The following SLC25A30 variants were observed in gnomAD, a reference collection of about 807,000 sequenced individuals.
SLC25A30 encodes the protein solute carrier family 25 member 30, also known as kidney mitochondrial carrier protein 1.
A neutral mutation model predicts 42.7 loss-of-function variants in SLC25A30; 29 were observed. That is an observed-to-expected ratio of 0.68 (90% CI 0.51 to 0.93). The LOEUF (loss-of-function observed/expected upper bound fraction) is 0.93, where lower values mean the gene tolerates loss of function less well. Among genes scored for constraint, SLC25A30 ranks in the 40% least tolerant of loss-of-function variants. The pLI, the probability that SLC25A30 is intolerant of heterozygous loss-of-function variation, is 0.00. For synonymous variants in SLC25A30, 124 were observed against 131.0 expected, an observed-to-expected ratio of 0.95 and a Z score of 0.37; for missense variants, 300 against 359.7, an observed-to-expected ratio of 0.83 and a Z score of 1.34.
chr13:45,410,422 T>C (rs1165947684), intron 2 of SLC25A30, among the ~76,000 whole-genome samples: 5 of 152,226 alleles, frequency 3.3e-5, no homozygotes. Flanking sequence ...ATCCCAGTAC[T>C]TTGGGAGGCC....
upstream of SLC25A30, chr13:45,418,427 G>C (rs970540314): frequency 1.3e-5 from 2 of 151,230 alleles, no homozygotes; most frequent in South Asian, 4.3e-4. Flanking sequence ...GCAGCCCCGC[G>C]CCGCCCCGCC....
chr13:45,412,269 A>C (rs1883099265), intron 1 of SLC25A30, among the ~76,000 whole-genome samples: 1 of 151,834 alleles, frequency 6.6e-6, no homozygotes, highest in African/African-American at 2.4e-5. Context: ...ACAGGCACAC[A>C]CCACCATGCC....
At chr13:45,401,012 A>C in intron 7 of SLC25A30, 71 bp downstream of exon 7, 1 of 1,348,772 alleles carries the variant, frequency 7.4e-7, no homozygotes, top group South Asian at 1.5e-5. Flanking sequence ...TTCAAATATA[A>C]GAATATAATA....
At chr13:45,424,268 T>TAAATAG in the SLC25A30 span, among the ~76,000 whole-genome samples, 1 of 50 alleles carries the variant, frequency 0.02, no homozygotes, top group African/African-American at 0.062. Context: ...TAAATATATA[T>TAAATAG]AAATATATAA....
intron 1 of SLC25A30, among the ~76,000 whole-genome samples, chr13:45,414,961 G>A (rs555758565): frequency 6.6e-6 from 1 of 152,288 alleles, no homozygotes; most frequent in African/African-American, 2.4e-5. Context: ...AATAGTGTCT[G>A]GGCAGCATCT....
At chr13:45,425,096 T>TATA in the SLC25A30 span, among the ~76,000 whole-genome samples, 2 of 10,392 alleles carry the variant, frequency 1.9e-4, no homozygotes, top group Non-Finnish European at 1.5e-4. Context: ...ATAAATATAT[T>TATA]TATAAATATA....
chr13:45,428,821 T>C, the SLC25A30 span, among the ~76,000 whole-genome samples: 39 of 150,898 alleles, frequency 2.6e-4, no homozygotes, highest in African/African-American at 9.5e-4. Flanking sequence ...GCACCTGGCC[T>C]CTTTTTAACT....
intron 7 of SLC25A30, 39 bp from the exon 8 acceptor site, chr13:45,399,117 C>T: frequency 3.2e-6 from 5 of 1,545,468 alleles, no homozygotes; most frequent in Non-Finnish European, 3.5e-6. Flanking sequence ...AAAAGTTAAC[C>T]ATCACTGAGC....
rs1881672844 is a variant in SLC25A30 at position 45,399,097 on chromosome 13, A to AG, written c.615-20_615-19insC. The AG allele has an allele frequency of 6.1e-6, 2 of 325,226 alleles. No homozygotes were observed. The highest frequency in any genetic ancestry group is 1.2e-4 in the Admixed American group (2 of 17,278). The allele number at this position is 325,226 out of a possible 1,614,324, so 20.1% of individuals were successfully genotyped here. ...GCTTGAGCTATAAAGACACCATTGG[A>AG]AAAAAAAAAAAAAGTTAACCATCAC... On this transcript the variant is annotated intron_variant, in intron 7 of 9. Coordinates refer to ENST00000519676, the MANE Select transcript of SLC25A30 (RefSeq NM_001010875.4).
chr13:45,419,130 TAAAAAAAA>T (rs374462224), upstream of SLC25A30, among the ~76,000 whole-genome samples: 5 of 90,540 alleles, frequency 5.5e-5, no homozygotes, highest in Admixed American at 1.2e-4. Flanking sequence ...TACTCCCTCT[TAAAAAAAA>T]AAAAAAAAAA....
At chr13:45,430,395 G>A in the SLC25A30 span, among the ~76,000 whole-genome samples, 2 of 152,120 alleles carry the variant, frequency 1.3e-5, no homozygotes, top group Non-Finnish European at 2.9e-5. Context: ...AAACACAGAA[G>A]AAGCAACTGA....
chr13:45,408,821 A>G (rs1326643459), intron 3 of SLC25A30, 106 bp downstream of exon 3: 1 of 1,022,698 alleles, frequency 9.8e-7, no homozygotes, highest in Non-Finnish European at 1.3e-6. Context: ...GTTCTTTTCA[A>G]ACACACCTCA....
At chr13:45,416,085 ACGG>A (rs1883504916) in intron 1 of SLC25A30, among the ~76,000 whole-genome samples, 1 of 151,086 alleles carries the variant, frequency 6.6e-6, no homozygotes, top group Non-Finnish European at 1.5e-5. Context: ...GGCATGAACC[ACGG>A]CGCCCGGTCC....
the SLC25A30 span, among the ~76,000 whole-genome samples, chr13:45,430,394 A>G: frequency 6.6e-6 from 1 of 152,176 alleles, no homozygotes; most frequent in African/African-American, 2.4e-5. Context: ...AAAACACAGA[A>G]GAAGCAACTG....
chr13:45,398,693 G>A, intron 8 of SLC25A30: 1 of 332,940 alleles, frequency 3.0e-6, no homozygotes, highest in Non-Finnish European at 5.4e-6. Context: ...ATTTTGGAAG[G>A]AGACCCAGTT....
intron 1 of SLC25A30, among the ~76,000 whole-genome samples, chr13:45,415,309 T>A (rs1419299657): frequency 6.6e-6 from 1 of 152,160 alleles, no homozygotes; most frequent in Non-Finnish European, 1.5e-5. Flanking sequence ...AAGGATCACA[T>A]GACCCTTCCT....
the SLC25A30 span, among the ~76,000 whole-genome samples, chr13:45,433,002 A>T: frequency 1.4e-5 from 2 of 141,834 alleles, no homozygotes; most frequent in Non-Finnish European, 3.0e-5. Flanking sequence ...GTGCCATTGC[A>T]CCCCTGGGCA....
the SLC25A30 span, among the ~76,000 whole-genome samples, chr13:45,424,580 T>TATATAAATGTATAA: frequency 2.8e-5 from 1 of 36,168 alleles, no homozygotes; most frequent in African/African-American, 1.0e-4. Flanking sequence ...AATATATAAA[T>TATATAAATGTATAA]ATATATAAAT....
chr13:45,396,021 G>GTTA lies in SLC25A30; in HGVS notation c.835-9_835-7dup. 1 of 1,614,170 alleles carries GTTA rather than the reference G, an allele frequency of 6.2e-7. No individual in the cohort carries two copies. Among genetic ancestry groups the GTTA allele is most frequent in the Non-Finnish European group, 8.5e-7 (1 of 1,180,034 alleles). Reference sequence around the variant, plus strand: ...TGCTCGTATGTCACAAAGAACTGTGGTTATGGGTTAAGGATGACACAGAAA... The same window carrying GTTA: ...TGCTCGTATGTCACAAAGAACTGTGGTTATTATGGGTTAAGGATGACACAGAAA... On this transcript the variant is annotated splice_polypyrimidine_tract_variant and splice_region_variant and intron_variant, in intron 9 of 9. Coordinates refer to ENST00000519676, the MANE Select transcript of SLC25A30 (RefSeq NM_001010875.4).
Sources: gnomAD v4.1 joint callset for allele counts (sites outside exome capture counted in the v4.1 genomes callset) on GRCh38, gnomAD v4.1.1 for gene constraint, MANE v1.5 for transcripts, NCBI Gene and HGNC (gene_info 2026-07-23, HGNC 2026-07-21) for gene names.